The following GTPBP6 variants were observed in gnomAD, a reference collection of about 807,000 sequenced individuals.
GTPBP6 encodes the protein putative GTP-binding protein 6.
Under a neutral mutation model 28.9 loss-of-function variants are expected in GTPBP6, and 33 were observed. The observed-to-expected ratio is 1.14, with a 90% CI of 0.87 to 1.53. The LOEUF (loss-of-function observed/expected upper bound fraction) is 1.53, where lower values mean the gene tolerates loss of function less well. Among genes scored for constraint, GTPBP6 ranks in the 40% most tolerant of loss-of-function variants. The pLI is 0.00. For synonymous variants in GTPBP6, 231 were observed against 192.7 expected (o/e 1.20, Z -1.65); for missense variants, 507 against 408.3 (o/e 1.24, Z -2.08).
chrX:310,831 C>G (rs2070271420), intron 7 of GTPBP6, among the ~76,000 whole-genome samples: 1 of 151,984 alleles, frequency 6.6e-6, no homozygotes. Flanking sequence ...TTTGCAGTGA[C>G]AGCCTCAGGA....
chrX:307,212 A>G (rs1183625517), intron 9 of GTPBP6, 148 bp downstream of exon 9: 2 of 700,298 alleles, frequency 2.9e-6, no homozygotes, highest in East Asian at 5.5e-5. Flanking sequence ...ACAAATGTAC[A>G]TTTGATGCAA....
chrX:315,579 C>G (rs1443588560), intron 2 of GTPBP6, among the ~76,000 whole-genome samples: 1 of 54,298 alleles, frequency 1.8e-5, no homozygotes. Context: ...CACACACACA[C>G]ACACACAGTA....
intron 6 of GTPBP6, 149 bp downstream of exon 6, chrX:312,617 A>T (rs1421059248): frequency 1.2e-6 from 1 of 818,806 alleles, no homozygotes. Flanking sequence ...CCACACGGCG[A>T]CCATGGGAAC....
chrX:318,755 C>T, exon 1 of GTPBP6: 1 of 320,148 alleles, frequency 3.1e-6, no homozygotes, highest in Non-Finnish European at 5.7e-6. Context: ...AGAGCCGCAG[C>T]CCCGGGCGTA....
intron 7 of GTPBP6, 55 bp from the exon 8 acceptor site, chrX:307,935 G>A (rs762349869): frequency 7.1e-7 from 1 of 1,416,728 alleles, no homozygotes; most frequent in Non-Finnish European, 9.3e-7. Flanking sequence ...CTGACCCCAA[G>A]CTTGCAGACA....
intron 9 of GTPBP6, among the ~76,000 whole-genome samples, chrX:306,701 A>G (rs1188490104): frequency 6.8e-6 from 1 of 146,968 alleles, no homozygotes; most frequent in Non-Finnish European, 1.5e-5. Flanking sequence ...AGTGCAGATT[A>G]GGCACCTGTT....
chrX:317,355 C>G (rs1360100828), intron 1 of GTPBP6, among the ~76,000 whole-genome samples: 7,441 of 151,902 alleles, frequency 0.049, 210 homozygotes, highest in African/African-American at 0.092. Flanking sequence ...GAGGAACCAC[C>G]GGCAGGTTTG....
chrX:307,813 G>A, exon 8 of GTPBP6: 2 of 1,554,936 alleles, frequency 1.3e-6, no homozygotes, highest in Non-Finnish European at 1.7e-6. Context: ...ACGCAGCGTG[G>A]ACAGAACGCT....
At chrX:313,668 CAG>C (rs1462629503) in intron 5 of GTPBP6, among the ~76,000 whole-genome samples, 1 of 152,062 alleles carries the variant, frequency 6.6e-6, no homozygotes, top group Non-Finnish European at 1.5e-5. Context: ...TTGTAAGAGA[CAG>C]AAGAGGAGAC....
At chrX:314,761 C>A (rs2070398039) in intron 4 of GTPBP6, 129 bp downstream of exon 4, 2 of 391,420 alleles carry the variant, frequency 5.1e-6, no homozygotes, top group Non-Finnish European at 9.0e-6. Flanking sequence ...CAGGCGTGAG[C>A]CACCGCGCCC....
exon 8 of GTPBP6, chrX:307,835 G>A (rs1324927937): frequency 5.8e-6 from 9 of 1,548,610 alleles, no homozygotes; most frequent in Non-Finnish European, 7.8e-6. Context: ...CATTTCTGGA[G>A]CTCCGCCTCG....
chrX:313,011 C>A lies in GTPBP6; in HGVS notation c.758-87G>T, dbSNP rs748761214. 28 of 1,206,114 alleles carry A rather than the reference C, an allele frequency of 2.3e-5. No homozygotes were observed. In the South Asian group the frequency reaches 3.8e-4, roughly 16 times the overall value. 74.7% of individuals were successfully genotyped at this position (1,206,114 alleles called of 1,614,324 possible). On this transcript the variant is annotated intron_variant, in intron 5 of 9. Transcript: ENST00000326153. ...GTGCCGCGGAGGGTCTGCGGGGGCCCGGGGCCTGCTCCCGCTCCAGCATCT... is the reference window on the plus strand; with the variant it reads ...GTGCCGCGGAGGGTCTGCGGGGGCCAGGGGCCTGCTCCCGCTCCAGCATCT...
At chrX:314,162 T>G (rs984509907) in exon 5 of GTPBP6, 2 of 1,612,276 alleles carry the variant, frequency 1.2e-6, no homozygotes, top group African/African-American at 2.7e-5. Context: ...GACCCCATGA[T>G]GTAGCGCGAG....
chrX:311,542 G>A (rs780043648), exon 7 of GTPBP6: 7 of 1,612,198 alleles, frequency 4.3e-6, no homozygotes, highest in South Asian at 1.1e-5. Context: ...TGCCCGCGTG[G>A]GCCGTGACGT....
intron 2 of GTPBP6, among the ~76,000 whole-genome samples, chrX:316,584 G>A (rs2070444817): frequency 6.6e-6 from 1 of 152,172 alleles, no homozygotes; most frequent in East Asian, 1.9e-4. Flanking sequence ...GGGTCACCCA[G>A]GAGGAGGATT....
chrX:315,598 C>T, intron 2 of GTPBP6, among the ~76,000 whole-genome samples: 1 of 150,098 alleles, frequency 6.7e-6, no homozygotes, highest in Admixed American at 6.6e-5. Context: ...TAAATACATC[C>T]CGACAGGGAC....
intron 6 of GTPBP6, 36 bp from the exon 7 acceptor site, chrX:311,663 C>T (rs755852095): frequency 3.9e-6 from 6 of 1,519,952 alleles, no homozygotes; most frequent in African/African-American, 2.7e-5. Flanking sequence ...CTGCAGAGAT[C>T]CCTGCGTCCC....
At chrX:305,320 TTTTG>T (rs1378961798) in intron 9 of GTPBP6, 123 bp from the exon 10 acceptor site, 15 of 756,230 alleles carry the variant, frequency 2.0e-5, no homozygotes, top group African/African-American at 4.8e-5. Flanking sequence ...TCCTGTTTCC[TTTTG>T]TTTTTTTTTT....
chrX:312,960 C>A (rs7498293), intron 5 of GTPBP6, 36 bp from the exon 6 acceptor site: 26 of 1,585,184 alleles, frequency 1.6e-5, no homozygotes, highest in Non-Finnish European at 1.9e-5. Context: ...CGGTGAGCCA[C>A]GCCGGGAAAG....
Sources: allele counts gnomAD v4.1 joint callset (sites outside exome capture counted in the v4.1 genomes callset), GRCh38; gene constraint gnomAD v4.1.1; transcripts MANE v1.5; gene names NCBI Gene and HGNC (gene_info 2026-07-23, HGNC 2026-07-21).